Variants in SLC35F5 observed in about 807,000 individuals in gnomAD.
SLC35F5 encodes the protein solute carrier family 35 member F5, also known as HCV NS5A-transactivated protein 3.
SLC35F5 carries 54 observed loss-of-function variants against 68.6 expected under a neutral mutation model. The ratio of observed to expected loss-of-function variants is 0.79; its 90% CI spans 0.63 to 0.99. SLC35F5 has a LOEUF of 0.99. Among genes scored for constraint, SLC35F5 ranks in the 50% least tolerant of loss-of-function variants. The probability of loss-of-function intolerance (pLI) is 0.00; values close to 1 mark genes in which losing one functional copy is unlikely to be tolerated. For missense variants in SLC35F5, 567 were observed against 626.9 expected, an observed-to-expected ratio of 0.90 and a Z score of 1.02; for synonymous variants, 211 against 205.2, an observed-to-expected ratio of 1.03 and a Z score of -0.24.
intron 11 of SLC35F5, among the ~76,000 whole-genome samples, chr2:113,728,734 CTTT>C (rs1687764624): frequency 6.6e-6 from 1 of 152,212 alleles, no homozygotes; most frequent in Non-Finnish European, 1.5e-5. Context: ...CATGGAGCTT[CTTT>C]ATCTATTTAT....
At chr2:113,728,031 AC>A (rs2104428089) in intron 11 of SLC35F5, among the ~76,000 whole-genome samples, 1 of 152,244 alleles carries the variant, frequency 6.6e-6, no homozygotes, top group East Asian at 1.9e-4. Flanking sequence ...TTACTCTGTT[AC>A]CCAGGCTAGA....
At chr2:113,737,551 C>G (rs986837355) in intron 7 of SLC35F5, among the ~76,000 whole-genome samples, 1 of 152,186 alleles carries the variant, frequency 6.6e-6, no homozygotes, top group Non-Finnish European at 1.5e-5. Context: ...AGATAATGCT[C>G]ACAGAGTGAT....
chr2:113,749,622 C>T (rs1424531850), intron 4 of SLC35F5, among the ~76,000 whole-genome samples: 1 of 152,194 alleles, frequency 6.6e-6, no homozygotes, highest in Non-Finnish European at 1.5e-5. Context: ...GAAAATAATA[C>T]AGTGGTTACT....
chr2:113,705,822 G>T (rs1231683071), downstream of SLC35F5, among the ~76,000 whole-genome samples: 1 of 151,990 alleles, frequency 6.6e-6, no homozygotes, highest in Non-Finnish European at 1.5e-5. Flanking sequence ...CTTATCTTTT[G>T]TCACTGAAAA....
rs745489508 is a variant in SLC35F5 at position 113,718,932 on chromosome 2, A to AAAGG, written c.1496+218_1496+221dup. Among the ~76,000 whole-genome samples the AAAGG allele has an allele frequency of 3.6e-4, 48 of 133,182 alleles. 1 individual carries two copies. Among genetic ancestry groups the AAAGG allele is most frequent in the South Asian group, 3.0e-3 (13 of 4,392 alleles). 87.4% of individuals were successfully genotyped at this position (133,182 alleles called of 152,430 possible). A position where few individuals can be genotyped will look rare whatever the true frequency, so the allele number is the denominator to read the frequency against. ...AAGAAAGAAAGAAAGAAAGAAAAAG[A>AAAGG]AAGGAAGAAAGGAAGGAAGGAAGAA... On this transcript the variant is annotated intron_variant, in intron 14 of 15. Coordinates refer to ENST00000245680, the MANE Select transcript of SLC35F5 (RefSeq NM_025181.5).
Position 113,707,663 on chromosome 2 carries a change from G to T in SLC35F5, c.*7555C>A, listed in dbSNP as rs140454932. ...CAACCTCTGCCTCTTGGGTTCAAGC[G>T]ATTCTCCTACCTCAGCCTCACAAGT... On this transcript the variant is annotated 3_prime_UTR_variant, in exon 16 of 16. Transcript: ENST00000245680. Among the ~76,000 whole-genome samples, 6 of 152,204 alleles carry T rather than the reference G, an allele frequency of 3.9e-5. No homozygotes were observed. The highest frequency in any genetic ancestry group is 1.4e-4 in the African/African-American group (6 of 41,524).
intron 13 of SLC35F5, among the ~76,000 whole-genome samples, chr2:113,719,998 G>A (rs148212583): frequency 2.1e-4 from 32 of 151,336 alleles, no homozygotes; most frequent in African/African-American, 7.8e-4. Flanking sequence ...TATCAGAGTT[G>A]TCAAGAAAAT....
At chr2:113,731,750 G>A in intron 9 of SLC35F5, 102 bp from the exon 10 acceptor site, 3 of 843,856 alleles carry the variant, frequency 3.6e-6, no homozygotes, top group South Asian at 1.5e-5. Flanking sequence ...TCTCAACTTT[G>A]GGTAAAACTA....
chr2:113,755,421 G>T, intron 2 of SLC35F5, 33 bp downstream of exon 2: 1 of 1,610,468 alleles, frequency 6.2e-7, no homozygotes, highest in Non-Finnish European at 8.5e-7. Context: ...TGTTCAGTGT[G>T]AAAGTTACAT....
chr2:113,716,736 T>A (rs1687196209), intron 15 of SLC35F5, among the ~76,000 whole-genome samples: 1 of 152,150 alleles, frequency 6.6e-6, no homozygotes, highest in Non-Finnish European at 1.5e-5. Context: ...GAAAGCAGGA[T>A]GAGCAGGGCA....
intron 1 of SLC35F5, 85 bp downstream of exon 1, chr2:113,756,285 C>A (rs545938450): frequency 1.3e-6 from 2 of 1,545,556 alleles, no homozygotes; most frequent in South Asian, 2.4e-5. Flanking sequence ...CCTGCTGCCA[C>A]CGAGGGCAGG....
chr2:113,724,303 A>C (rs1203028322), intron 12 of SLC35F5, among the ~76,000 whole-genome samples: 3 of 152,190 alleles, frequency 2.0e-5, no homozygotes, highest in African/African-American at 4.8e-5. Context: ...GTTAAGGTGG[A>C]TCCAATTTAG....
In SLC35F5 at chr2:113,718,936, GAAGA is replaced by G. The variant is rs775148268; in HGVS notation, c.1496+214_1496+217del. 1.0e-3 allele frequency among the ~76,000 whole-genome samples: 133 copies of G among 131,720 alleles called. 2 individuals are homozygous for G. Among genetic ancestry groups the G allele is most frequent in the East Asian group, 3.8e-3 (18 of 4,732 alleles). 86.4% of individuals were successfully genotyped at this position (131,720 alleles called of 152,430 possible). A position where few individuals can be genotyped will look rare whatever the true frequency, so the allele number is the denominator to read the frequency against. ...AAGAAAGAAAGAAAGAAAAAGAAAG[GAAGA>G]AAGGAAGGAAGGAAGAAAGAAAGAA... On this transcript the variant is annotated intron_variant, in intron 14 of 15. Transcript: ENST00000245680.
intron 14 of SLC35F5, 118 bp downstream of exon 14, chr2:113,719,036 T>G (rs1257931819): frequency 3.4e-6 from 3 of 885,686 alleles, no homozygotes; most frequent in Non-Finnish European, 5.1e-6. Context: ...CCGTAACATA[T>G]AAGTTATCAT....
At position 113,746,261 on chromosome 2, in the gene SLC35F5, G is replaced by A. The variant is rs1007105083; in HGVS notation, c.480+16C>T. 6.2e-7 allele frequency: 1 copy of A among 1,608,582 alleles called. No individual in the cohort carries two copies. Among genetic ancestry groups the A allele is most frequent in the African/African-American group, 1.3e-5 (1 of 74,784 alleles). On this transcript the variant is annotated intron_variant, in intron 5 of 15. Transcript: ENST00000245680. ...AACCCCACCTCTCTATTCCTGACAA[G>A]AAAAGAAGCACTTACCAAAGAACTA...
chr2:113,755,027 C>A (rs1676909057), intron 3 of SLC35F5, 138 bp downstream of exon 3: 3 of 755,138 alleles, frequency 4.0e-6, no homozygotes, highest in Non-Finnish European at 6.0e-6. Flanking sequence ...GGCAATAATT[C>A]AACGTTTTTT....
intron 15 of SLC35F5, among the ~76,000 whole-genome samples, chr2:113,716,797 CT>C (rs1687199544): frequency 6.6e-6 from 1 of 152,118 alleles, no homozygotes; most frequent in Non-Finnish European, 1.5e-5. Flanking sequence ...AGAACTAGAG[CT>C]CAAACCATGT....
chr2:113,725,540 G>C lies in SLC35F5; in HGVS notation c.1091-3C>G. 6.4e-7 allele frequency: 1 copy of C among 1,571,432 alleles called. No individual in the cohort carries two copies. Among genetic ancestry groups the C allele is most frequent in the Non-Finnish European group, 8.6e-7 (1 of 1,168,096 alleles). ...CAGATTAAACAAACCTACAAAACCTGAACATGTATAAAAGAGACAAGAGTT... is the reference window on the plus strand; with the variant it reads ...CAGATTAAACAAACCTACAAAACCTCAACATGTATAAAAGAGACAAGAGTT... On this transcript the variant is annotated splice_polypyrimidine_tract_variant and splice_region_variant and intron_variant, in intron 11 of 15. Transcript: ENST00000245680.
intron 9 of SLC35F5, chr2:113,733,542 A>T (rs1687976180): frequency 5.2e-6 from 1 of 192,088 alleles, no homozygotes; most frequent in Non-Finnish European, 1.2e-5. Context: ...TTAGTAAATC[A>T]TGTAAAAGAA....
Sources: allele counts gnomAD v4.1 joint callset (sites outside exome capture counted in the v4.1 genomes callset), GRCh38; gene constraint gnomAD v4.1.1; transcripts MANE v1.5; gene names NCBI Gene and HGNC (gene_info 2026-07-23, HGNC 2026-07-21).